SPAG16: variants seen among roughly 807,000 people sequenced by gnomAD.
SPAG16 encodes the protein sperm associated antigen 16, also known as sperm-associated antigen 16 protein.
In SPAG16, 86 loss-of-function variants were observed where a neutral mutation model predicts 80.4. The observed-to-expected ratio is 1.07, with a 90% CI of 0.90 to 1.28. SPAG16 has a LOEUF of 1.28. SPAG16 is among the 50% of genes most tolerant of loss of function. The pLI is 0.00. For synonymous variants in SPAG16, 294 were observed against 265.9 expected (o/e 1.11, Z -1.03); for missense variants, 870 against 765.3 (o/e 1.14, Z -1.61).
chr2:214,354,311 G>C (rs527770928), intron 15 of SPAG16, among the ~76,000 whole-genome samples: 1 of 151,812 alleles, frequency 6.6e-6, no homozygotes. Context: ...ATAGTTGTAG[G>C]TATGCAGCAT....
intron 13 of SPAG16, among the ~76,000 whole-genome samples, chr2:214,077,651 A>C (rs932290787): frequency 1.3e-5 from 2 of 152,174 alleles, no homozygotes; most frequent in African/African-American, 4.8e-5. Flanking sequence ...CCACTTTCAG[A>C]CTTCAATTAA....
intron 10 of SPAG16, among the ~76,000 whole-genome samples, chr2:213,559,099 G>A (rs1167725660): frequency 6.6e-6 from 1 of 152,040 alleles, no homozygotes; most frequent in African/African-American, 2.4e-5. Flanking sequence ...AAGCTCTGAA[G>A]GAAATATTTA....
intron 11 of SPAG16, among the ~76,000 whole-genome samples, chr2:213,911,521 A>C (rs1318950946): frequency 6.6e-6 from 1 of 152,226 alleles, no homozygotes; most frequent in African/African-American, 2.4e-5. Context: ...AGAGCATGTA[A>C]TACGTGTAAT....
intron 10 of SPAG16, among the ~76,000 whole-genome samples, chr2:213,600,484 T>A (rs1157501401): frequency 6.6e-6 from 1 of 152,218 alleles, no homozygotes; most frequent in Non-Finnish European, 1.5e-5. Flanking sequence ...ACTGAGCTCT[T>A]CTATGTTCCT....
intron 10 of SPAG16, among the ~76,000 whole-genome samples, chr2:213,573,231 C>T (rs1049373185): frequency 1.3e-5 from 2 of 152,002 alleles, no homozygotes; most frequent in South Asian, 2.1e-4. Flanking sequence ...TAGACCGGAG[C>T]TGTTCCTATT....
intron 11 of SPAG16, among the ~76,000 whole-genome samples, chr2:213,901,507 A>G (rs2077219821): frequency 6.6e-6 from 1 of 152,168 alleles, no homozygotes; most frequent in South Asian, 2.1e-4. Flanking sequence ...GAAAAGGAAT[A>G]ATACCACTGG....
At chr2:213,525,060 C>T (rs1415659115) in intron 10 of SPAG16, among the ~76,000 whole-genome samples, 1 of 152,080 alleles carries the variant, frequency 6.6e-6, no homozygotes, top group South Asian at 2.1e-4. Flanking sequence ...GTAATTGAAT[C>T]ATGAGAGCAG....
chr2:213,630,411 T>C (rs577472677), intron 10 of SPAG16, among the ~76,000 whole-genome samples: 32 of 152,062 alleles, frequency 2.1e-4, no homozygotes, highest in Non-Finnish European at 3.5e-4. Context: ...TGTTTCTGTC[T>C]TCACAGATGA....
intron 12 of SPAG16, among the ~76,000 whole-genome samples, chr2:213,994,388 G>A (rs1034357112): frequency 6.6e-6 from 1 of 152,116 alleles, no homozygotes; most frequent in Non-Finnish European, 1.5e-5. Context: ...TAAATAAAGT[G>A]GAGGTGAGAT....
chr2:213,791,309 T>C (rs890288306), intron 10 of SPAG16, among the ~76,000 whole-genome samples: 1 of 151,922 alleles, frequency 6.6e-6, no homozygotes. Context: ...AAAACATAAA[T>C]CCTTTGCATA....
At chr2:214,336,426 A>T (rs1048868516) in intron 15 of SPAG16, among the ~76,000 whole-genome samples, 1 of 152,190 alleles carries the variant, frequency 6.6e-6, no homozygotes, top group Non-Finnish European at 1.5e-5. Context: ...AATGAGGAAG[A>T]CTAAGTAACA....
intron 15 of SPAG16, among the ~76,000 whole-genome samples, chr2:214,172,210 G>A (rs909282168): frequency 2.3e-4 from 35 of 151,616 alleles, no homozygotes; most frequent in African/African-American, 8.5e-4. Flanking sequence ...TCGTCATTTA[G>A]CATTAGGTAT....
intron 6 of SPAG16, among the ~76,000 whole-genome samples, chr2:213,341,644 G>A (rs1296361092): frequency 2.6e-5 from 4 of 152,084 alleles, no homozygotes; most frequent in South Asian, 4.1e-4. Context: ...CAGTCCTTCC[G>A]CCTCAGCCTT....
At chr2:214,154,950 T>C (rs770293884) in intron 15 of SPAG16, among the ~76,000 whole-genome samples, 1 of 152,062 alleles carries the variant, frequency 6.6e-6, no homozygotes, top group Admixed American at 6.6e-5. Flanking sequence ...CTGTAATACC[T>C]GAGAGAGAGA....
chr2:213,875,620 T>G (rs1048567067), intron 11 of SPAG16, among the ~76,000 whole-genome samples: 6 of 152,158 alleles, frequency 3.9e-5, no homozygotes, highest in African/African-American at 1.4e-4. Context: ...GTCTTACATT[T>G]AAAACAAAAG....
intron 11 of SPAG16, among the ~76,000 whole-genome samples, chr2:213,887,142 C>A (rs778916013): frequency 3.9e-5 from 6 of 152,010 alleles, no homozygotes; most frequent in African/African-American, 1.2e-4. Flanking sequence ...TATTACATAA[C>A]CACAATACAA....
chr2:213,862,875 C>T (rs1285957011), intron 11 of SPAG16, among the ~76,000 whole-genome samples: 1 of 152,162 alleles, frequency 6.6e-6, no homozygotes, highest in East Asian at 1.9e-4. Flanking sequence ...TAATAAGCTT[C>T]TCAGGACAAG....
At chr2:213,477,133 G>C (rs1408456570) in intron 9 of SPAG16, among the ~76,000 whole-genome samples, 1 of 152,148 alleles carries the variant, frequency 6.6e-6, no homozygotes, top group Non-Finnish European at 1.5e-5. Context: ...AACTGAGAGA[G>C]AGTAGATAAG....
intron 1 of SPAG16, among the ~76,000 whole-genome samples, chr2:213,292,436 G>A (rs191600874): frequency 0.018 from 2,739 of 151,716 alleles, 74 homozygotes; most frequent in African/African-American, 0.052. Context: ...AGGCCGAGGC[G>A]GGCGGATCAT....
Sources: allele counts gnomAD v4.1 joint callset (sites outside exome capture counted in the v4.1 genomes callset), GRCh38; gene constraint gnomAD v4.1.1; transcripts MANE v1.5; gene names NCBI Gene and HGNC (gene_info 2026-07-23, HGNC 2026-07-21).